The following ST6GAL1 variants were observed in gnomAD, a reference collection of about 807,000 sequenced individuals.
The protein encoded by ST6GAL1 is ST6 beta-galactoside alpha-2,6-sialyltransferase 1.
In ST6GAL1, 20 loss-of-function variants were observed where a neutral mutation model predicts 38.0. The ratio of observed to expected loss-of-function variants is 0.53; its 90% confidence interval spans 0.37 to 0.77. ST6GAL1 has a LOEUF of 0.77. Ranked by LOEUF, ST6GAL1 falls within the 30% of genes least tolerant of loss-of-function variation. The probability of loss-of-function intolerance (pLI) is 0.00; values close to 1 mark genes in which losing one functional copy is unlikely to be tolerated. For missense variants in ST6GAL1, 432 were observed against 496.4 expected (o/e 0.87, Z 1.23); for synonymous variants, 196 against 188.2 (o/e 1.04, Z -0.34).
chr3:186,972,988 G>A (rs1169415841), intron 2 of ST6GAL1, among the ~76,000 whole-genome samples: 1 of 152,166 alleles, frequency 6.6e-6, no homozygotes, highest in Non-Finnish European at 1.5e-5. Context: ...TTGTGAGTGG[G>A]CTCAGGCTCT....
At chr3:186,995,522 TAA>T (rs199533504) in intron 2 of ST6GAL1, among the ~76,000 whole-genome samples, 1 of 129,440 alleles carries the variant, frequency 7.7e-6, no homozygotes, top group Admixed American at 8.2e-5. Flanking sequence ...AAAATAATAA[TAA>T]AATAAAAAAA....
chr3:186,984,003 A>G (rs13060784), intron 2 of ST6GAL1, among the ~76,000 whole-genome samples: 21,282 of 151,994 alleles, frequency 0.14, 1,781 homozygotes, highest in East Asian at 0.41. Context: ...CTCATCTCAA[A>G]CTCAGAATAT....
At chr3:186,950,338 T>C (rs781021752) in intron 1 of ST6GAL1, among the ~76,000 whole-genome samples, 2 of 152,096 alleles carry the variant, frequency 1.3e-5, no homozygotes, top group Non-Finnish European at 2.9e-5. Flanking sequence ...TGGGTCAGGA[T>C]AGAGTCTGCA....
rs1467930207 is a variant in ST6GAL1 at position 186,946,088 on chromosome 3, C to T, written c.-325+15254C>T. On this transcript the variant is annotated intron_variant, in intron 1 of 7. Transcript: ENST00000169298. ...TTGGGAGGCCAAGCGGGTGGATCAC[C>T]TGAGGTCAGGAGTTCGAGCCCAGCC... Among the ~76,000 whole-genome samples the T allele has an allele frequency of 2.6e-5, 4 of 151,874 alleles. 1 individual carries two copies. The highest frequency in any genetic ancestry group is 4.2e-4 in the South Asian group (2 of 4,808).
At chr3:187,043,414 TG>T in intron 4 of ST6GAL1, 104 bp downstream of exon 4, 1 of 1,494,824 alleles carries the variant, frequency 6.7e-7, no homozygotes. Context: ...AGCGGACCAG[TG>T]GAGTGGGCCC....
At chr3:186,999,498 G>A (rs554725974) in intron 2 of ST6GAL1, among the ~76,000 whole-genome samples, 7 of 148,552 alleles carry the variant, frequency 4.7e-5, no homozygotes, top group African/African-American at 9.9e-5. Context: ...TGCAAGCTCC[G>A]CCTCCCTGGT....
intron 5 of ST6GAL1, among the ~76,000 whole-genome samples, chr3:187,058,933 G>C (rs1241137474): frequency 2.6e-5 from 4 of 152,148 alleles, no homozygotes; most frequent in Non-Finnish European, 5.9e-5. Context: ...GAGCCATCGT[G>C]CCTGGCCTAC....
At chr3:186,950,093 A>G (rs1714525786) in intron 1 of ST6GAL1, among the ~76,000 whole-genome samples, 1 of 152,130 alleles carries the variant, frequency 6.6e-6, no homozygotes, top group East Asian at 1.9e-4. Context: ...GGGGGCACAA[A>G]GGAAAGCAAG....
intron 2 of ST6GAL1, among the ~76,000 whole-genome samples, chr3:187,038,228 CAG>C (rs1243590379): frequency 6.7e-5 from 9 of 134,878 alleles, no homozygotes; most frequent in African/African-American, 1.9e-4. Flanking sequence ...TCTTTTGAGA[CAG>C]AGTCTCTCTC....
intron 2 of ST6GAL1, among the ~76,000 whole-genome samples, chr3:186,990,592 A>T (rs1579301105): frequency 1.3e-5 from 2 of 150,432 alleles, no homozygotes; most frequent in Admixed American, 1.3e-4. Flanking sequence ...CCTCACCTCA[A>T]CCCCAGCCGC....
intron 2 of ST6GAL1, among the ~76,000 whole-genome samples, chr3:186,981,283 C>T (rs1290258169): frequency 2.6e-5 from 4 of 152,054 alleles, no homozygotes; most frequent in Middle Eastern, 3.2e-3. Flanking sequence ...GTGGGAAGAC[C>T]CTAGTTAGAG....
chr3:186,935,753 C>A (rs184154901), intron 1 of ST6GAL1, among the ~76,000 whole-genome samples: 1 of 152,046 alleles, frequency 6.6e-6, no homozygotes, highest in African/African-American at 2.4e-5. Flanking sequence ...AGAATGACCC[C>A]GTAGGGTAAG....
intron 5 of ST6GAL1, among the ~76,000 whole-genome samples, chr3:187,054,012 C>T (rs1206640308): frequency 6.6e-6 from 1 of 152,026 alleles, no homozygotes; most frequent in African/African-American, 2.4e-5. Context: ...AGAGGACCTT[C>T]ACATCCCTTG....
In ST6GAL1 at chr3:187,070,424, CTTTTTT is replaced by C. The variant is rs34389560; in HGVS notation, c.706-2410_706-2405del. 3.4e-3 allele frequency among the ~76,000 whole-genome samples: 341 copies of C among 99,124 alleles called. 1 individual carries two copies. Among genetic ancestry groups the C allele is most frequent in the African/African-American group, 0.013 (297 of 22,294 alleles). 65.0% of individuals were successfully genotyped at this position (99,124 alleles called of 152,430 possible). Reference sequence around the variant, plus strand: ...TCTTTTTTGCCCCCTAACACTTGCTCTTTTTTTTTTTTTTTTTTTTCGAGATGGAGT... The same window carrying C: ...TCTTTTTTGCCCCCTAACACTTGCTCTTTTTTTTTTTTTTCGAGATGGAGT... On this transcript the variant is annotated intron_variant, in intron 5 of 7. Coordinates refer to ENST00000169298, the MANE Select transcript of ST6GAL1 (RefSeq NM_173216.2).
chr3:186,980,363 A>C (rs1323127314), intron 2 of ST6GAL1, among the ~76,000 whole-genome samples: 1 of 152,138 alleles, frequency 6.6e-6, no homozygotes, highest in Non-Finnish European at 1.5e-5. Context: ...GCCCTCAAGA[A>C]ATGTTAGCTG....
chr3:187,072,788 C>A, intron 5 of ST6GAL1, 61 bp from the exon 6 acceptor site: 1 of 1,450,150 alleles, frequency 6.9e-7, no homozygotes, highest in Non-Finnish European at 9.7e-7. Context: ...TCAGCTATTA[C>A]TTCATGTCAA....
At chr3:187,000,943 G>C (rs935023535) in intron 2 of ST6GAL1, among the ~76,000 whole-genome samples, 1 of 152,192 alleles carries the variant, frequency 6.6e-6, no homozygotes, top group African/African-American at 2.4e-5. Context: ...ATGCATTTGT[G>C]CGTACTTCCC....
chr3:187,034,911 CA>C (rs1370708104), intron 2 of ST6GAL1, among the ~76,000 whole-genome samples: 2 of 152,132 alleles, frequency 1.3e-5, no homozygotes, highest in Non-Finnish European at 2.9e-5. Context: ...CCAGAGCAAT[CA>C]AACAAGAAAA....
intron 2 of ST6GAL1, among the ~76,000 whole-genome samples, chr3:187,034,903 A>G (rs549231982): frequency 2.7e-4 from 41 of 152,372 alleles, no homozygotes; most frequent in Non-Finnish European, 5.7e-4. Context: ...AGTGCTGTCC[A>G]GAGCAATCAA....
Sources: allele counts gnomAD v4.1 joint callset (sites outside exome capture counted in the v4.1 genomes callset), GRCh38; gene constraint gnomAD v4.1.1; transcripts MANE v1.5; gene names NCBI Gene and HGNC (gene_info 2026-07-23, HGNC 2026-07-21).